COL25A1: variants seen among roughly 807,000 people sequenced by gnomAD.
COL25A1 encodes the protein collagen alpha-1(XXV) chain.
COL25A1 carries 103 observed loss-of-function variants against 128.4 expected under a neutral mutation model. That is an observed-to-expected ratio of 0.80 (90% CI 0.68 to 0.94). The LOEUF (loss-of-function observed/expected upper bound fraction) is 0.94, where lower values mean the gene tolerates loss of function less well. Among genes scored for constraint, COL25A1 ranks in the 40% least tolerant of loss-of-function variants. COL25A1 has a pLI of 0.00. For synonymous variants in COL25A1, 279 were observed against 277.2 expected (o/e 1.01, Z -0.06); for missense variants, 745 against 840.0 (o/e 0.89, Z 1.40).
rs372534788 is a variant in COL25A1, at chr4:108,871,609, C to G, written c.1021-2459G>C. On this transcript the variant is annotated intron_variant, in intron 19 of 37. Coordinates refer to ENST00000399132, the MANE Select transcript of COL25A1 (RefSeq NM_198721.4). ...GGGATTACAGGCGTGAGCCACCGCA[C>G]CGGGCCTGATTGGCTAATTTTAAAG... is the stretch of plus-strand genomic sequence containing the variant. 2.2e-3 allele frequency among the ~76,000 whole-genome samples: 337 copies of G among 152,332 alleles called. 1 individual carries two copies. The highest frequency in any genetic ancestry group is 7.7e-3 in the African/African-American group (320 of 41,574).
At chr4:109,254,024 T>A (rs1780860862) in intron 3 of COL25A1, among the ~76,000 whole-genome samples, 1 of 151,308 alleles carries the variant, frequency 6.6e-6, no homozygotes, top group African/African-American at 2.4e-5. Context: ...GAGGCAGAGC[T>A]TGCAGTGAGC....
At chr4:108,823,696 T>G (rs1170655111) in intron 35 of COL25A1, among the ~76,000 whole-genome samples, 1 of 152,122 alleles carries the variant, frequency 6.6e-6, no homozygotes, top group Non-Finnish European at 1.5e-5. Flanking sequence ...CTTACTGTAG[T>G]TTATCAGTCA....
In COL25A1 at chr4:108,822,284, T is replaced by C. The variant is rs943863752; in HGVS notation, c.1845+1890A>G. ...GTCTCAAACTCCTGACCTCAAGTGA[T>C]CCACCCGCCTCGGCCTCCCAAAGTG... On this transcript the variant is annotated intron_variant, in intron 35 of 37. Coordinates refer to ENST00000399132, the MANE Select transcript of COL25A1 (RefSeq NM_198721.4). Among the ~76,000 whole-genome samples, 69 of 152,154 alleles carry C rather than the reference T, an allele frequency of 4.5e-4. 1 individual carries two copies. The South Asian group carries it at 0.013, about 29-fold the overall frequency.
At chr4:108,819,770 C>T (rs1731599900) in intron 35 of COL25A1, 1 of 1,081,506 alleles carries the variant, frequency 9.2e-7, no homozygotes, top group East Asian at 3.2e-5. Flanking sequence ...ATCTGATCCC[C>T]TCACACAAAC....
rs139254347 is a variant in COL25A1, at chr4:108,858,147, A to T, written c.1320+1509T>A. Reference sequence around the variant, plus strand: ...TTCTCCACAGGAAGGGCATGACTATAGAGGATTAAGATGGAGAAGCTTGGG... The same window carrying T: ...TTCTCCACAGGAAGGGCATGACTATTGAGGATTAAGATGGAGAAGCTTGGG... On this transcript the variant is annotated intron_variant, in intron 24 of 37. Transcript: ENST00000399132. Among the ~76,000 whole-genome samples, 1,436 of 152,280 alleles carry T rather than the reference A, an allele frequency of 9.4e-3. 11 individuals carry two copies. The highest frequency in any genetic ancestry group is 0.019 in the Admixed American group (290 of 15,286).
chr4:109,254,357 G>A (rs1780899639), intron 3 of COL25A1, among the ~76,000 whole-genome samples: 1 of 149,834 alleles, frequency 6.7e-6, no homozygotes, highest in South Asian at 2.1e-4. Context: ...GCTGAAGGGG[G>A]TTTAAATCAC....
chr4:109,143,309 C>T (rs1241610699), intron 3 of COL25A1, among the ~76,000 whole-genome samples: 1 of 152,178 alleles, frequency 6.6e-6, no homozygotes, highest in Non-Finnish European at 1.5e-5. Flanking sequence ...TGTGGGTAAC[C>T]TGACCTTTCT....
chr4:109,180,780 A>G (rs1560822369), intron 3 of COL25A1, among the ~76,000 whole-genome samples: 1 of 152,192 alleles, frequency 6.6e-6, no homozygotes, highest in Non-Finnish European at 1.5e-5. Context: ...AAGGGCTGCA[A>G]TTTTAGAAAA....
chr4:109,016,158 G>A (rs927008788), intron 5 of COL25A1, among the ~76,000 whole-genome samples: 9 of 152,168 alleles, frequency 5.9e-5, no homozygotes, highest in African/African-American at 2.2e-4. Flanking sequence ...CCCACTCTCC[G>A]GCCTCTCCCT....
chr4:108,902,762 CT>C (rs1176735488), intron 13 of COL25A1, among the ~76,000 whole-genome samples: 2 of 151,876 alleles, frequency 1.3e-5, no homozygotes, highest in Admixed American at 6.6e-5. Context: ...TTGCACTTTC[CT>C]TGGTAAAATG....
At chr4:109,197,414 T>TAATA (rs1560850159) in intron 3 of COL25A1, among the ~76,000 whole-genome samples, 130 of 125,040 alleles carry the variant, frequency 1.0e-3, no homozygotes, top group African/African-American at 3.5e-3. Flanking sequence ...AAAATATATA[T>TAATA]TATATATTAT....
intron 19 of COL25A1, among the ~76,000 whole-genome samples, chr4:108,873,333 T>C (rs943899822): frequency 1.3e-5 from 2 of 152,184 alleles, no homozygotes; most frequent in African/African-American, 2.4e-5. Flanking sequence ...CAGAATTTTA[T>C]TAAAGGCTGA....
At chr4:108,868,323 A>G (rs929831980) in intron 20 of COL25A1, among the ~76,000 whole-genome samples, 1 of 152,160 alleles carries the variant, frequency 6.6e-6, no homozygotes, top group African/African-American at 2.4e-5. Flanking sequence ...AATATTGAAC[A>G]CAGTGGTGCC....
At position 108,871,187 on chromosome 4, in the gene COL25A1, T is replaced by TA. The variant is rs572301963; in HGVS notation, c.1021-2038dup. ...TAAGTGTATGGAAAGTTCTTTTTTT[T>TA]ATGTGCTAGCTGAAAGCATCGATAG... On this transcript the variant is annotated intron_variant, in intron 19 of 37. Transcript: ENST00000399132. Among the ~76,000 whole-genome samples the TA allele has an allele frequency of 8.5e-5, 13 of 152,328 alleles. No homozygotes were observed. The South Asian group carries it at 2.7e-3, about 32-fold the overall frequency.
intron 3 of COL25A1, among the ~76,000 whole-genome samples, chr4:109,128,850 T>C (rs1195367070): frequency 6.6e-6 from 1 of 152,234 alleles, no homozygotes; most frequent in Non-Finnish European, 1.5e-5. Flanking sequence ...CTGGCTTGTC[T>C]GACCACTGAC....
chr4:108,872,866 AT>A (rs1287109006), intron 19 of COL25A1, among the ~76,000 whole-genome samples: 1 of 151,742 alleles, frequency 6.6e-6, no homozygotes, highest in Non-Finnish European at 1.5e-5. Flanking sequence ...ATTTTTAGAA[AT>A]TTTTCAGTTT....
intron 3 of COL25A1, among the ~76,000 whole-genome samples, chr4:109,121,951 G>C (rs968500845): frequency 1.3e-5 from 2 of 152,100 alleles, no homozygotes; most frequent in African/African-American, 4.8e-5. Flanking sequence ...GCTAAAAAGA[G>C]ATGAGCTATC....
At chr4:109,064,366 T>C (rs192409995) in intron 3 of COL25A1, among the ~76,000 whole-genome samples, 5 of 152,328 alleles carry the variant, frequency 3.3e-5, no homozygotes, top group South Asian at 2.1e-4. Context: ...TGGGCATCCA[T>C]AGTATGCAAG....
At chr4:108,819,225 G>A in intron 36 of COL25A1, 27 bp downstream of exon 36, 1 of 1,548,184 alleles carries the variant, frequency 6.5e-7, no homozygotes, top group South Asian at 1.2e-5. Flanking sequence ...ACTGCATGCA[G>A]GGTGGTAGGA....
Sources: gnomAD v4.1 joint callset for allele counts (sites outside exome capture counted in the v4.1 genomes callset) on GRCh38, gnomAD v4.1.1 for gene constraint, MANE v1.5 for transcripts, NCBI Gene and HGNC (gene_info 2026-07-23, HGNC 2026-07-21) for gene names.